TDRP: variants seen among roughly 807,000 people sequenced by gnomAD.
TDRP encodes testis development related protein, also known as testis development-related protein.
In TDRP, 12 loss-of-function variants were observed where a neutral mutation model predicts 10.5. The observed-to-expected ratio is 1.15, with a 90% CI of 0.73 to 1.86. The LOEUF (loss-of-function observed/expected upper bound fraction) is 1.86, where lower values mean the gene tolerates loss of function less well. Among genes scored for constraint, TDRP ranks in the 40% most tolerant of loss-of-function variants. The pLI is 0.00. For synonymous variants in TDRP, 139 were observed against 95.4 expected, an observed-to-expected ratio of 1.46 and a Z score of -2.67; for missense variants, 353 against 229.2, an observed-to-expected ratio of 1.54 and a Z score of -3.49.
intron 1 of TDRP, among the ~76,000 whole-genome samples, chr8:542,103 C>T (rs557531474): frequency 1.3e-5 from 2 of 152,194 alleles, no homozygotes; most frequent in East Asian, 1.9e-4. Context: ...AGCTACAAGC[C>T]GTGAAAAGAA....
At chr8:519,028 T>C (rs896762113) in intron 1 of TDRP, among the ~76,000 whole-genome samples, 1 of 151,542 alleles carries the variant, frequency 6.6e-6, no homozygotes, top group Admixed American at 6.6e-5. Context: ...ATTTCAGGAC[T>C]AGAACTTTCA....
chr8:525,560 G>A (rs1290772528), intron 1 of TDRP, among the ~76,000 whole-genome samples: 3 of 152,138 alleles, frequency 2.0e-5, no homozygotes, highest in African/African-American at 7.2e-5. Flanking sequence ...GGATGAAGTG[G>A]AACTGTAGAG....
intron 1 of TDRP, among the ~76,000 whole-genome samples, chr8:531,576 T>A: frequency 6.6e-6 from 1 of 152,192 alleles, no homozygotes; most frequent in East Asian, 1.9e-4. Context: ...ACACTTTTTA[T>A]CTACGACAAA....
At position 503,145 on chromosome 8, in the gene TDRP, C is replaced by A. The variant is rs138212585; in HGVS notation, c.109-8548G>T. On this transcript the variant is annotated intron_variant, in intron 1 of 2. Coordinates refer to ENST00000324079, the MANE Select transcript of TDRP (RefSeq NM_001384899.1). ...ATGCCCACCTCAGCATGTGTCAACA[C>A]AGAATCCAGAGCCACGCATCAGAAC... 4.6e-3 allele frequency among the ~76,000 whole-genome samples: 692 copies of A among 151,574 alleles called. 4 individuals carry two copies. Among genetic ancestry groups the A allele is most frequent in the Admixed American group, 8.2e-3 (125 of 15,258 alleles).
At chr8:539,908 C>G (rs552200786) in intron 1 of TDRP, among the ~76,000 whole-genome samples, 1 of 152,340 alleles carries the variant, frequency 6.6e-6, no homozygotes, top group East Asian at 1.9e-4. Context: ...ACCTGAAACA[C>G]TCCTTGATGT....
intron 1 of TDRP, among the ~76,000 whole-genome samples, chr8:544,171 G>T (rs1387602199): frequency 6.6e-6 from 1 of 152,138 alleles, no homozygotes; most frequent in East Asian, 1.9e-4. Context: ...GTCCAAAGCT[G>T]CTTAGTGTCC....
At chr8:537,576 G>C (rs552475503) in intron 1 of TDRP, among the ~76,000 whole-genome samples, 1 of 152,304 alleles carries the variant, frequency 6.6e-6, no homozygotes, top group African/African-American at 2.4e-5. Context: ...GGACAGCCTG[G>C]TTTGCACACA....
At chr8:534,939 C>A (rs928432865) in intron 1 of TDRP, among the ~76,000 whole-genome samples, 22 of 152,150 alleles carry the variant, frequency 1.4e-4, no homozygotes, top group Admixed American at 9.8e-4. Context: ...ATCCTCCAAA[C>A]CAAGACACGC....
At chr8:532,229 G>A (rs547848973) in intron 1 of TDRP, among the ~76,000 whole-genome samples, 1 of 152,300 alleles carries the variant, frequency 6.6e-6, no homozygotes, top group Non-Finnish European at 1.5e-5. Context: ...TGTTGCATCT[G>A]CTCACATGTG....
At chr8:497,816 T>G (rs868059284) in intron 1 of TDRP, among the ~76,000 whole-genome samples, 1 of 152,278 alleles carries the variant, frequency 6.6e-6, no homozygotes, top group Non-Finnish European at 1.5e-5. Context: ...ACTGTGCACC[T>G]CTGGACATGG....
chr8:544,562 C>G, intron 1 of TDRP, 88 bp downstream of exon 1: 1 of 947,196 alleles, frequency 1.1e-6, no homozygotes, highest in Non-Finnish European at 1.4e-6. Context: ...CCCCAACTAC[C>G]CGCACCTCCA....
At chr8:543,454 G>A (rs1259088129) in intron 1 of TDRP, among the ~76,000 whole-genome samples, 1 of 151,934 alleles carries the variant, frequency 6.6e-6, no homozygotes, top group East Asian at 1.9e-4. Flanking sequence ...ACCAATATTA[G>A]TTATTTGTAG....
chr8:507,823 T>C (rs1318665666), intron 1 of TDRP, among the ~76,000 whole-genome samples: 1 of 152,232 alleles, frequency 6.6e-6, no homozygotes, highest in Non-Finnish European at 1.5e-5. Flanking sequence ...CTAGGCTTAA[T>C]ACCTGGGTGA....
At chr8:504,708 T>C (rs1399299190) in intron 1 of TDRP, among the ~76,000 whole-genome samples, 1 of 152,320 alleles carries the variant, frequency 6.6e-6, no homozygotes, top group East Asian at 1.9e-4. Flanking sequence ...GTCAACAGAC[T>C]TTGCCATTTA....
At chr8:512,564 AG>A in intron 1 of TDRP, among the ~76,000 whole-genome samples, 1 of 152,228 alleles carries the variant, frequency 6.6e-6, no homozygotes, top group Non-Finnish European at 1.5e-5. Context: ...AAGAATATAA[AG>A]AAACATTGTC....
At position 491,508 on chromosome 8, in the gene TDRP, C is replaced by A; in HGVS notation, c.*891G>T. The A allele has an allele frequency of 3.6e-6, 4 of 1,113,868 alleles. No homozygotes were observed. The highest frequency in any genetic ancestry group is 2.7e-5 in the East Asian group (1 of 36,402). The allele number at this position is 1,113,868 out of a possible 1,614,324, so 69.0% of individuals were successfully genotyped here. A position where few individuals can be genotyped will look rare whatever the true frequency, so the allele number is the denominator to read the frequency against. Reference sequence around the variant, plus strand: ...AACACAGCTTCTTACAGATCTAACACCAATCACAATAGGCATCTCGCTTTG... The same window carrying A: ...AACACAGCTTCTTACAGATCTAACAACAATCACAATAGGCATCTCGCTTTG... On this transcript the variant is annotated 3_prime_UTR_variant, in exon 3 of 3. Transcript: ENST00000324079.
chr8:513,198 A>T (rs1029412895), intron 1 of TDRP, among the ~76,000 whole-genome samples: 6 of 152,024 alleles, frequency 3.9e-5, no homozygotes, highest in Non-Finnish European at 5.9e-5. Context: ...AGACAAAGAC[A>T]CCACGAGAAA....
Position 527,402 on chromosome 8 carries a change from G to GA in TDRP, c.108+17247dup, listed in dbSNP as rs373762980. 2.2e-4 allele frequency among the ~76,000 whole-genome samples: 32 copies of GA among 148,498 alleles called. 1 individual carries two copies. Among genetic ancestry groups the GA allele is most frequent in the East Asian group, 9.8e-4 (5 of 5,092 alleles). On this transcript the variant is annotated intron_variant, in intron 1 of 2. Coordinates refer to ENST00000324079, the MANE Select transcript of TDRP (RefSeq NM_001384899.1). ...ACCAATGACATTCTTCACAGAAATG[G>GA]AAAAAAAAAATCCTAAAATGTATAT...
intron 1 of TDRP, among the ~76,000 whole-genome samples, chr8:504,533 C>T (rs1280157329): frequency 6.6e-6 from 1 of 152,114 alleles, no homozygotes; most frequent in African/African-American, 2.4e-5. Context: ...GCAGAATGTT[C>T]AAAGAGGCAG....
Sources: allele counts gnomAD v4.1 joint callset (sites outside exome capture counted in the v4.1 genomes callset), GRCh38; gene constraint gnomAD v4.1.1; transcripts MANE v1.5; gene names NCBI Gene and HGNC (gene_info 2026-07-23, HGNC 2026-07-21).